ROR1: variants seen among roughly 807,000 people sequenced by gnomAD.
ROR1 encodes the protein ROR family WNT receptor 1, also known as inactive tyrosine-protein kinase transmembrane receptor ROR1.
Under a neutral mutation model 78.8 loss-of-function variants are expected in ROR1, and 19 were observed. That is an observed-to-expected ratio of 0.24 (90% CI 0.17 to 0.35). The LOEUF (loss-of-function observed/expected upper bound fraction) is 0.35, where lower values mean the gene tolerates loss of function less well. Ranked by LOEUF, ROR1 falls within the 10% of genes least tolerant of loss-of-function variation. The pLI is 1.00. For missense variants in ROR1, 917 were observed against 1,177.8 expected, an observed-to-expected ratio of 0.78 and a Z score of 3.24; for synonymous variants, 386 against 433.6, an observed-to-expected ratio of 0.89 and a Z score of 1.36.
intron 4 of ROR1, among the ~76,000 whole-genome samples, chr1:64,060,731 C>T (rs1025188071): frequency 6.6e-5 from 10 of 152,142 alleles, no homozygotes; most frequent in Admixed American, 5.2e-4. Context: ...CTTCATCAAA[C>T]CATCCTAGAC....
chr1:64,040,132 T>A (rs1646734447), intron 2 of ROR1, among the ~76,000 whole-genome samples: 1 of 152,188 alleles, frequency 6.6e-6, no homozygotes, highest in Non-Finnish European at 1.5e-5. Flanking sequence ...GACTATAGAT[T>A]TACTTATCAT....
chr1:64,157,893 CAT>C (rs1649819083), intron 7 of ROR1, among the ~76,000 whole-genome samples: 1 of 152,166 alleles, frequency 6.6e-6, no homozygotes, highest in African/African-American at 2.4e-5. Context: ...TGAATGAATG[CAT>C]GGTTAATTCT....
chr1:63,975,308 T>C (rs1053613131), intron 1 of ROR1, among the ~76,000 whole-genome samples: 6 of 152,220 alleles, frequency 3.9e-5, no homozygotes, highest in African/African-American at 1.4e-4. Flanking sequence ...TATAGTTCGA[T>C]GGTACGATAT....
At chr1:64,020,201 T>C (rs1646553708) in intron 2 of ROR1, among the ~76,000 whole-genome samples, 1 of 152,210 alleles carries the variant, frequency 6.6e-6, no homozygotes, top group African/African-American at 2.4e-5. Context: ...TGTGATAATT[T>C]GTTAAAGTAA....
In ROR1 at chr1:63,989,942, C is replaced by G. The variant is rs138099911; in HGVS notation, c.92-19363C>G. Among the ~76,000 whole-genome samples, 10 of 152,320 alleles carry G rather than the reference C, an allele frequency of 6.6e-5. No homozygotes were observed. The East Asian group carries it at 1.9e-3, about 29-fold the overall frequency. On this transcript the variant is annotated intron_variant, in intron 1 of 8. Transcript: ENST00000371079. ...TCAACCTCTCCCCTTCCTCATTGCT[C>G]AGAGTGCTTGATGTCTAAAGCACTT...
At chr1:64,139,962 C>A in intron 5 of ROR1, 147 bp from the exon 6 acceptor site, 1 of 707,690 alleles carries the variant, frequency 1.4e-6, no homozygotes, top group Non-Finnish European at 2.3e-6. Flanking sequence ...GCTTAGACAT[C>A]TGAAATGAAT....
chr1:63,852,935 T>A (rs1645123217), intron 1 of ROR1, among the ~76,000 whole-genome samples: 1 of 152,142 alleles, frequency 6.6e-6, no homozygotes, highest in Non-Finnish European at 1.5e-5. Flanking sequence ...TGGCAAATAA[T>A]TTAGCTCCAC....
intron 4 of ROR1, among the ~76,000 whole-genome samples, chr1:64,056,116 A>G (rs550463412): frequency 6.6e-6 from 1 of 152,090 alleles, no homozygotes; most frequent in Non-Finnish European, 1.5e-5. Context: ...CTTTTTGCTT[A>G]TTCTGAATAA....
At chr1:64,090,461 C>A (rs1048269302) in intron 4 of ROR1, among the ~76,000 whole-genome samples, 3 of 152,276 alleles carry the variant, frequency 2.0e-5, no homozygotes, top group Admixed American at 1.3e-4. Context: ...CTGCTTAGTA[C>A]GTAAGCACCT....
intron 1 of ROR1, among the ~76,000 whole-genome samples, chr1:63,822,537 A>C (rs1407250500): frequency 4.6e-5 from 7 of 152,242 alleles, no homozygotes; most frequent in Non-Finnish European, 1.0e-4. Flanking sequence ...TAATTATTTT[A>C]ATTTAAGCTT....
At chr1:63,866,871 T>C (rs1403857957) in intron 1 of ROR1, among the ~76,000 whole-genome samples, 1 of 152,194 alleles carries the variant, frequency 6.6e-6, no homozygotes, top group Non-Finnish European at 1.5e-5. Flanking sequence ...TTACATAGAC[T>C]TGAAAGGAAT....
At position 64,177,478 on chromosome 1, in the gene ROR1, G is replaced by A; in HGVS notation, c.1437G>A (p.Leu479=). The change falls in exon 9 of 9, where the codon TTG becomes TTA. Residue 479 remains leucine, a synonymous_variant. Transcript: ENST00000371079. ...CTGCTGTACGCTTTATGGAAGAATTGGGTGAGTGTGCCTTTGGAAAAATCT... is the reference window on the plus strand; with the variant it reads ...CTGCTGTACGCTTTATGGAAGAATTAGGTGAGTGTGCCTTTGGAAAAATCT... ...PLSAVRFMEE[L]GECAFGKIYK... The A allele has an allele frequency of 3.1e-6, 5 of 1,614,142 alleles. No homozygotes were observed. The highest frequency in any genetic ancestry group is 4.2e-6 in the Non-Finnish European group (5 of 1,180,036).
At chr1:63,786,998 C>A (rs984871127) in intron 1 of ROR1, among the ~76,000 whole-genome samples, 2 of 152,178 alleles carry the variant, frequency 1.3e-5, no homozygotes, top group Non-Finnish European at 2.9e-5. Flanking sequence ...GACTGATACA[C>A]CCCAAACGGT....
In ROR1 at chr1:64,178,328, G is replaced by T. The variant is rs762027398; in HGVS notation, c.2287G>T (p.Gly763Trp). The T allele has an allele frequency of 6.2e-7, 1 of 1,614,148 alleles. No homozygotes were observed. The highest frequency in any genetic ancestry group is 8.5e-7 in the Non-Finnish European group (1 of 1,180,024). ...SSHTSSTTPSGGNATTQTTSL... is the reference protein window; with the variant it reads ...SSHTSSTTPSWGNATTQTTSL... ...TCACACAAGCTCTACTACTCCTTCA[G>T]GGGGAAATGCCACCACACAGACAAC... Residue 763 changes from glycine to tryptophan, a missense_variant, in exon 9 of 9, where the codon GGG becomes TGG. This residue lies in a region of ROR1 where 835 missense variants were observed against 1,069.8 expected (regional missense o/e 0.78). Coordinates refer to ENST00000371079, the MANE Select transcript of ROR1 (RefSeq NM_005012.4). The surrounding 1 kb of genome is among the most constrained non-coding windows in gnomAD (Gnocchi z 4.3).
At chr1:63,891,273 C>A (rs1368604607) in intron 1 of ROR1, among the ~76,000 whole-genome samples, 1 of 152,136 alleles carries the variant, frequency 6.6e-6, no homozygotes, top group Admixed American at 6.6e-5. Flanking sequence ...AAAAGTATTT[C>A]TCTTTTCGTT....
At chr1:64,038,280 T>C (rs992245732) in intron 2 of ROR1, among the ~76,000 whole-genome samples, 13 of 152,178 alleles carry the variant, frequency 8.5e-5, no homozygotes, top group Non-Finnish European at 1.6e-4. Flanking sequence ...TTGCCCACTC[T>C]GCCTGATAAA....
At chr1:63,890,767 G>A (rs855839) in intron 1 of ROR1, among the ~76,000 whole-genome samples, 140,092 of 152,092 alleles carry the variant, frequency 0.92, 64,595 homozygotes, top group East Asian at 1. Flanking sequence ...CCATTTTGGA[G>A]CAAGAAATTG....
At chr1:64,091,491 A>G (rs1647196779) in intron 4 of ROR1, among the ~76,000 whole-genome samples, 2 of 152,106 alleles carry the variant, frequency 1.3e-5, no homozygotes, top group African/African-American at 4.8e-5. Context: ...AAGAAATGAC[A>G]ATCTTTGATC....
intron 7 of ROR1, among the ~76,000 whole-genome samples, chr1:64,143,713 A>T (rs1050390870): frequency 1.3e-5 from 2 of 152,244 alleles, no homozygotes; most frequent in Non-Finnish European, 2.9e-5. Flanking sequence ...GGGAGTAGGC[A>T]TAGCACATCC....
Sources: allele counts gnomAD v4.1 joint callset (sites outside exome capture counted in the v4.1 genomes callset), GRCh38; gene constraint gnomAD v4.1.1; regional missense constraint gnomAD v4.1.1; non-coding constraint Gnocchi (gnomAD v3.1); transcripts MANE v1.5; gene names NCBI Gene and HGNC (gene_info 2026-07-23, HGNC 2026-07-21).